Variants in CAST observed in about 807,000 individuals in gnomAD.
CAST encodes the protein MIR583 host.
CAST carries 76 observed loss-of-function variants against 119.6 expected under a neutral mutation model. The ratio of observed to expected loss-of-function variants is 0.64; its 90% CI spans 0.53 to 0.77. The LOEUF (loss-of-function observed/expected upper bound fraction) is 0.77, where lower values mean the gene tolerates loss of function less well. CAST is among the 30% of genes least tolerant of loss of function. The pLI is 0.00. For missense variants in CAST, 953 were observed against 946.5 expected, an observed-to-expected ratio of 1.01 and a Z score of -0.09; for synonymous variants, 319 against 331.6, an observed-to-expected ratio of 0.96 and a Z score of 0.41.
chr5:96,259,435 T>G, the CAST span, among the ~76,000 whole-genome samples: 3 of 152,200 alleles, frequency 2.0e-5, no homozygotes, highest in Non-Finnish European at 4.4e-5. Context: ...CAGAGAACAC[T>G]CTTGAACTGA....
At position 96,721,938 on chromosome 5, in the gene CAST, T is replaced by G. The variant is rs117255831; in HGVS notation, c.211-701T>G. Among the ~76,000 whole-genome samples the G allele has an allele frequency of 6.9e-4, 105 of 152,320 alleles. No individual in the cohort carries two copies. The East Asian group carries it at 0.019, about 28-fold the overall frequency. On this transcript the variant is annotated intron_variant, in intron 3 of 31. Coordinates refer to ENST00000675179, the MANE Select transcript of CAST (RefSeq NM_001750.7). ...AAGGAAGAGCCTAGATGAGACATAA[T>G]GCAGTAGAATTCCCTCTGTAACCTT...
chr5:96,614,321 T>C (rs1311887712), intron 1 of CAST, among the ~76,000 whole-genome samples: 1 of 152,160 alleles, frequency 6.6e-6, no homozygotes, highest in African/African-American at 2.4e-5. Context: ...ATCAGGGCCT[T>C]TCACTCCTGA....
intron 2 of CAST, among the ~76,000 whole-genome samples, chr5:96,684,234 T>A (rs1232323931): frequency 6.6e-6 from 1 of 152,246 alleles, no homozygotes; most frequent in Non-Finnish European, 1.5e-5. Context: ...CCATATGTAG[T>A]GTCTAGAACA....
chr5:96,076,972 T>C, the CAST span, among the ~76,000 whole-genome samples: 11 of 151,126 alleles, frequency 7.3e-5, no homozygotes, highest in East Asian at 1.7e-3. Context: ...ATATTTATAA[T>C]AAAAATATTT....
intron 1 of CAST, among the ~76,000 whole-genome samples, chr5:96,674,030 G>A: frequency 6.6e-6 from 1 of 152,190 alleles, no homozygotes; most frequent in East Asian, 1.9e-4. Flanking sequence ...ACACTATCGA[G>A]AAAGGATTTC....
the CAST span, among the ~76,000 whole-genome samples, chr5:96,275,548 T>C: frequency 6.6e-6 from 1 of 152,330 alleles, no homozygotes; most frequent in Non-Finnish European, 1.5e-5. Context: ...CTCTCATGTT[T>C]TCCCTGTCTC....
the CAST span, among the ~76,000 whole-genome samples, chr5:96,452,976 A>AC: frequency 7.0e-6 from 1 of 142,352 alleles, no homozygotes; most frequent in African/African-American, 2.9e-5. Flanking sequence ...AAAAAAAAAA[A>AC]CAGAAGAAAG....
At chr5:96,090,953 T>C in the CAST span, among the ~76,000 whole-genome samples, 1 of 151,966 alleles carries the variant, frequency 6.6e-6, no homozygotes, top group African/African-American at 2.4e-5. Flanking sequence ...CAGATGCCCA[T>C]CCATTGTTCC....
the CAST span, among the ~76,000 whole-genome samples, chr5:96,231,846 T>C: frequency 6.6e-6 from 1 of 152,090 alleles, no homozygotes; most frequent in Non-Finnish European, 1.5e-5. Context: ...CACCAACATA[T>C]ACCATACTGT....
At chr5:96,326,041 C>T in the CAST span, among the ~76,000 whole-genome samples, 5 of 152,186 alleles carry the variant, frequency 3.3e-5, no homozygotes, top group Non-Finnish European at 5.9e-5. Flanking sequence ...CCAACTTGCT[C>T]GTTCAGTCAT....
chr5:96,617,525 C>G (rs1026405237), intron 1 of CAST, among the ~76,000 whole-genome samples: 7 of 151,996 alleles, frequency 4.6e-5, no homozygotes, highest in Non-Finnish European at 8.8e-5. Context: ...CACGGTGGCT[C>G]ATGCCTGTAA....
chr5:96,536,834 A>ATG (rs1561409943), intron 1 of CAST, among the ~76,000 whole-genome samples: 1 of 151,616 alleles, frequency 6.6e-6, no homozygotes, highest in Non-Finnish European at 1.5e-5. Context: ...AACAGTATAA[A>ATG]TTTTTTTTAT....
At chr5:96,187,640 CTCAATGGT>C in the CAST span, among the ~76,000 whole-genome samples, 1 of 152,116 alleles carries the variant, frequency 6.6e-6, no homozygotes, top group East Asian at 1.9e-4. Context: ...CTCTCTCTTG[CTCAATGGT>C]TTGTAAGCTC....
the CAST span, among the ~76,000 whole-genome samples, chr5:96,372,344 A>T: frequency 5.3e-4 from 81 of 152,140 alleles, no homozygotes; most frequent in African/African-American, 1.8e-3. Context: ...ATTACATATA[A>T]GTTATACCCA....
the CAST span, among the ~76,000 whole-genome samples, chr5:96,098,715 G>A: frequency 9.2e-5 from 14 of 151,994 alleles, no homozygotes; most frequent in African/African-American, 3.1e-4. Flanking sequence ...ATGCTTTTTT[G>A]GTTACTGTAG....
At chr5:96,073,452 A>G in the CAST span, among the ~76,000 whole-genome samples, 2 of 152,330 alleles carry the variant, frequency 1.3e-5, no homozygotes, top group East Asian at 1.9e-4. Context: ...AAGACCAGCT[A>G]ATGAGTGGCT....
At chr5:96,621,968 T>TC (rs1747617387) in intron 1 of CAST, among the ~76,000 whole-genome samples, 1 of 105,414 alleles carries the variant, frequency 9.5e-6, no homozygotes, top group African/African-American at 3.8e-5. Context: ...TCTTTTTTTC[T>TC]CTTTTTTTTT....
At chr5:96,596,815 G>A (rs75785454) in intron 1 of CAST, among the ~76,000 whole-genome samples, 8,143 of 152,260 alleles carry the variant, frequency 0.053, 239 homozygotes, top group Non-Finnish European at 0.071. Context: ...AGTCTGAGAC[G>A]AAGGTGCCAG....
At chr5:96,560,980 A>T (rs1256870719) in intron 1 of CAST, among the ~76,000 whole-genome samples, 1 of 152,236 alleles carries the variant, frequency 6.6e-6, no homozygotes, top group Non-Finnish European at 1.5e-5. Context: ...AGACTGGATT[A>T]AGAAAATGTG....
Sources: gnomAD v4.1 joint callset for allele counts (sites outside exome capture counted in the v4.1 genomes callset) on GRCh38, gnomAD v4.1.1 for gene constraint, MANE v1.5 for transcripts, NCBI Gene and HGNC (gene_info 2026-07-23, HGNC 2026-07-21) for gene names.